The following MTCH2 variants were observed in gnomAD, a reference collection of about 807,000 sequenced individuals.
MTCH2 encodes mitochondrial carrier homolog 2.
Under a neutral mutation model 50.6 loss-of-function variants are expected in MTCH2, and 25 were observed. The ratio of observed to expected loss-of-function variants is 0.49; its 90% CI spans 0.36 to 0.69. The LOEUF (loss-of-function observed/expected upper bound fraction) is 0.69, where lower values mean the gene tolerates loss of function less well. Ranked by LOEUF, MTCH2 falls within the 30% of genes least tolerant of loss-of-function variation. MTCH2 has a pLI of 0.00. For synonymous variants in MTCH2, 106 were observed against 132.0 expected (o/e 0.80, Z 1.35); for missense variants, 273 against 384.4 (o/e 0.71, Z 2.42).
chr11:47,640,049 G>A (rs1175261441), intron 1 of MTCH2, among the ~76,000 whole-genome samples: 2 of 151,924 alleles, frequency 1.3e-5, no homozygotes, highest in Non-Finnish European at 2.9e-5. Flanking sequence ...TAACTCCTGG[G>A]CTGGCGTGGT....
chr11:47,631,081 G>A lies in MTCH2; in HGVS notation c.434C>T (p.Thr145Ile). The change falls in exon 7 of 13, where the codon ACT (threonine) becomes ATT (isoleucine). Residue 145 changes from threonine to isoleucine, a missense_variant. Thr to Ile is a moderately conservative substitution (Grantham distance 89). Around this residue, in one of 2 missense-constraint regions of MTCH2, gnomAD observed 203 missense variants for 244.3 expected, o/e 0.83. Coordinates refer to ENST00000302503, the MANE Select transcript of MTCH2 (RefSeq NM_014342.4). ...AATGAACTGTACCATAGATCTCAGAGTGATCACTGTGGAATATAGAGAAAA... is the reference window on the plus strand; with the variant it reads ...AATGAACTGTACCATAGATCTCAGAATGATCACTGTGGAATATAGAGAAAA... Reference protein sequence around the residue: ...TLITHPFHVITLRSMVQFIGR... With the variant: ...TLITHPFHVIILRSMVQFIGR... The A allele has an allele frequency of 6.2e-7, 1 of 1,612,522 alleles. No individual in the cohort carries two copies. Among genetic ancestry groups the A allele is most frequent in the Non-Finnish European group, 8.5e-7 (1 of 1,178,650 alleles).
chr11:47,634,078 T>G (rs2097306239), intron 5 of MTCH2, among the ~76,000 whole-genome samples: 1 of 152,074 alleles, frequency 6.6e-6, no homozygotes, highest in African/African-American at 2.4e-5. Context: ...GGTCGCTATT[T>G]TAATACTTTT....
the MTCH2 span, among the ~76,000 whole-genome samples, chr11:47,606,557 T>C: frequency 1.9e-4 from 29 of 152,260 alleles, no homozygotes; most frequent in Admixed American, 1.8e-3. Flanking sequence ...GCAAATGCGA[T>C]AGCCTAATTT....
chr11:47,607,863 A>G, the MTCH2 span, among the ~76,000 whole-genome samples: 3 of 152,196 alleles, frequency 2.0e-5, no homozygotes, highest in African/African-American at 7.2e-5. Flanking sequence ...CTGGGCATCT[A>G]ACTAACTGTT....
chr11:47,627,037 C>T (rs1565966741), intron 10 of MTCH2, 43 bp downstream of exon 10: 1 of 1,462,306 alleles, frequency 6.8e-7, no homozygotes, highest in East Asian at 2.3e-5. Context: ...CAAAACAAAA[C>T]ACAACTATTC....
chr11:47,628,863 C>A, intron 9 of MTCH2, 90 bp downstream of exon 9: 1 of 1,175,214 alleles, frequency 8.5e-7, no homozygotes, highest in Non-Finnish European at 1.2e-6. Flanking sequence ...CAGGTGTGAG[C>A]CACCTCGCCC....
chr11:47,633,386 AGGT>A (rs1466845618), intron 5 of MTCH2, among the ~76,000 whole-genome samples: 1 of 150,676 alleles, frequency 6.6e-6, no homozygotes, highest in Non-Finnish European at 1.5e-5. Flanking sequence ...TTGGGATTAC[AGGT>A]GTAAGCCACC....
Position 47,631,674 on chromosome 11 carries a change from A to C in MTCH2, c.407T>G (p.Leu136Arg). Reference sequence around the variant, plus strand: ...CATACCATGGAAGGGATGTGTGATGAGGGTAGCAGCAGAACGAGCGATCAT... The same window carrying C: ...CATACCATGGAAGGGATGTGTGATGCGGGTAGCAGCAGAACGAGCGATCAT... The part of the protein sequence containing the change: ...REMIARSAAT[L>R]ITHPFHVITL... Residue 136 changes from leucine (L) to arginine (R), a missense_variant, in exon 6 of 13, where the codon CTC becomes CGC. This residue lies in a region of MTCH2 where 203 missense variants were observed against 244.3 expected (regional missense o/e 0.83). Coordinates refer to ENST00000302503, the MANE Select transcript of MTCH2 (RefSeq NM_014342.4). The C allele has an allele frequency of 6.2e-7, 1 of 1,614,132 alleles. No individual in the cohort carries two copies. The highest frequency in any genetic ancestry group is 1.7e-5 in the Admixed American group (1 of 60,008).
At chr11:47,604,317 T>C in the MTCH2 span, among the ~76,000 whole-genome samples, 1 of 151,998 alleles carries the variant, frequency 6.6e-6, no homozygotes, top group African/African-American at 2.4e-5. Flanking sequence ...GCTATTGTTA[T>C]TATTTTTACC....
chr11:47,633,796 C>G (rs1377339846), intron 5 of MTCH2, among the ~76,000 whole-genome samples: 2 of 151,740 alleles, frequency 1.3e-5, no homozygotes, highest in Non-Finnish European at 2.9e-5. Context: ...CTCGGCCTCT[C>G]AAAGTGCTGG....
the MTCH2 span, among the ~76,000 whole-genome samples, chr11:47,610,073 G>T: frequency 6.6e-6 from 1 of 152,180 alleles, no homozygotes; most frequent in Non-Finnish European, 1.5e-5. Context: ...GGCTTGAGAT[G>T]TAACTCAGTT....
chr11:47,610,038 AG>A, the MTCH2 span, among the ~76,000 whole-genome samples: 1 of 152,220 alleles, frequency 6.6e-6, no homozygotes, highest in Admixed American at 6.5e-5. Context: ...TTAGAGTGCA[AG>A]TACCACCACA....
chr11:47,627,211 C>CA, intron 9 of MTCH2, 84 bp from the exon 10 acceptor site: 1 of 1,112,910 alleles, frequency 9.0e-7, no homozygotes, highest in Non-Finnish European at 1.3e-6. Flanking sequence ...CTTTTCTTTT[C>CA]TTTTTTTCTT....
intron 4 of MTCH2, among the ~76,000 whole-genome samples, chr11:47,634,960 A>G (rs2097307164): frequency 6.6e-6 from 1 of 151,848 alleles, no homozygotes; most frequent in South Asian, 2.1e-4. Flanking sequence ...TTTAGTAGAG[A>G]CGGGGTTTCA....
At chr11:47,630,674 A>G (rs979950551) in intron 7 of MTCH2, 60 bp from the exon 8 acceptor site, 1 of 1,465,098 alleles carries the variant, frequency 6.8e-7, no homozygotes, top group African/African-American at 1.4e-5. Flanking sequence ...TATAAACAAA[A>G]TAATTTCAAT....
intron 3 of MTCH2, among the ~76,000 whole-genome samples, chr11:47,636,988 C>T (rs2097309308): frequency 7.1e-6 from 1 of 140,312 alleles, no homozygotes; most frequent in Non-Finnish European, 1.5e-5. Flanking sequence ...GATGGAGTTT[C>T]ACTCTTGTCA....
At chr11:47,626,801 C>T (rs1306452259) in intron 10 of MTCH2, among the ~76,000 whole-genome samples, 2 of 151,830 alleles carry the variant, frequency 1.3e-5, no homozygotes, top group African/African-American at 2.4e-5. Context: ...TTAGTAGAGA[C>T]GGGGATTCAT....
chr11:47,614,476 C>CT (rs1226073330), downstream of MTCH2, among the ~76,000 whole-genome samples: 3 of 151,286 alleles, frequency 2.0e-5, no homozygotes, highest in African/African-American at 4.9e-5. Flanking sequence ...TTTCTTTTTT[C>CT]TTTTTTTTTG....
chr11:47,618,986 G>A, intron 12 of MTCH2, 67 bp from the exon 13 acceptor site: 1 of 1,414,038 alleles, frequency 7.1e-7, no homozygotes. Flanking sequence ...ATCCAAATCA[G>A]CAGAGAGGTC....
Sources: allele counts gnomAD v4.1 joint callset (sites outside exome capture counted in the v4.1 genomes callset), GRCh38; gene constraint gnomAD v4.1.1; regional missense constraint gnomAD v4.1.1; transcripts MANE v1.5; gene names NCBI Gene and HGNC (gene_info 2026-07-23, HGNC 2026-07-21).